The following DGKH variants were observed in gnomAD, a reference collection of about 807,000 sequenced individuals.
DGKH encodes the protein diacylglycerol kinase eta, also known as DAG kinase eta.
A neutral mutation model predicts 159.3 loss-of-function variants in DGKH; 90 were observed. The ratio of observed to expected loss-of-function variants is 0.57; its 90% CI spans 0.48 to 0.67. The LOEUF (loss-of-function observed/expected upper bound fraction) is 0.67. Among genes scored for constraint, DGKH ranks in the 30% least tolerant of loss-of-function variants. The pLI is 0.00. For synonymous variants in DGKH, 536 were observed against 553.8 expected (o/e 0.97, Z 0.45); for missense variants, 1,181 against 1,506.1 (o/e 0.78, Z 3.57).
rs147346543 is a variant in DGKH, at chr13:42,191,446, C to T, written c.2035+921C>T. ...AATCATACCCCAAACCTCCGCATCA[C>T]TCAATATACTCAGATAATAAACCTG... On this transcript the variant is annotated intron_variant, in intron 16 of 29. Coordinates refer to ENST00000337343, the MANE Select transcript of DGKH (RefSeq NM_178009.5). Among the ~76,000 whole-genome samples the T allele has an allele frequency of 4.7e-4, 72 of 152,194 alleles. No homozygotes were observed. In the East Asian group the frequency reaches 0.014, roughly 29 times the overall value.
At chr13:42,064,010 G>T (rs1489895401) in intron 1 of DGKH, among the ~76,000 whole-genome samples, 1 of 151,748 alleles carries the variant, frequency 6.6e-6, no homozygotes, top group African/African-American at 2.4e-5. Flanking sequence ...AAGATTAAAT[G>T]ATGCAAAAAA....
At chr13:42,254,825 C>T (rs964680861) in intron 30 of DGKH, among the ~76,000 whole-genome samples, 10 of 152,068 alleles carry the variant, frequency 6.6e-5, no homozygotes, top group Admixed American at 2.6e-4. Context: ...TGAAATGTTT[C>T]GTGATGATTT....
intron 12 of DGKH, among the ~76,000 whole-genome samples, chr13:42,176,129 T>C (rs1956596837): frequency 6.6e-6 from 1 of 152,220 alleles, no homozygotes; most frequent in East Asian, 1.9e-4. Context: ...TGAGAGAAAT[T>C]GTATTTTTTG....
intron 1 of DGKH, among the ~76,000 whole-genome samples, chr13:42,102,508 TG>T (rs1333602054): frequency 6.6e-6 from 1 of 152,230 alleles, no homozygotes; most frequent in Non-Finnish European, 1.5e-5. Context: ...AGTGACCACC[TG>T]CTTGGACCCT....
intron 26 of DGKH, among the ~76,000 whole-genome samples, chr13:42,217,597 A>G (rs1463013717): frequency 1.4e-5 from 2 of 141,496 alleles, no homozygotes; most frequent in Non-Finnish European, 3.2e-5. Flanking sequence ...GTGAATAACA[A>G]GGGGAAACAA....
intron 1 of DGKH, among the ~76,000 whole-genome samples, chr13:42,104,835 A>G (rs1170188): frequency 0.81 from 123,450 of 152,132 alleles, 50,665 homozygotes; most frequent in African/African-American, 0.91. Context: ...CCTCATCATT[A>G]TTTGGCTGAA....
chr13:42,055,638 G>A (rs140237675), intron 1 of DGKH, among the ~76,000 whole-genome samples: 2 of 152,210 alleles, frequency 1.3e-5, no homozygotes, highest in African/African-American at 2.4e-5. Flanking sequence ...CTGTTTCCAG[G>A]GTACAGTGTT....
intron 5 of DGKH, among the ~76,000 whole-genome samples, chr13:42,157,829 C>T (rs775066004): frequency 8.5e-5 from 13 of 152,190 alleles, no homozygotes; most frequent in Non-Finnish European, 1.2e-4. Context: ...GATCTTGGCT[C>T]ATTGCAACCT....
At chr13:42,170,342 G>A (rs1956418064) in intron 11 of DGKH, among the ~76,000 whole-genome samples, 1 of 152,168 alleles carries the variant, frequency 6.6e-6, no homozygotes, top group Non-Finnish European at 1.5e-5. Flanking sequence ...GAGCCCAGGA[G>A]GTGGAGGTGG....
intron 20 of DGKH, among the ~76,000 whole-genome samples, chr13:42,203,697 G>T (rs1050357657): frequency 6.6e-6 from 1 of 152,158 alleles, no homozygotes; most frequent in Non-Finnish European, 1.5e-5. Context: ...GCCAGCTCTG[G>T]TGGTGTGCAC....
At chr13:42,210,059 G>T (rs571555050) in intron 23 of DGKH, among the ~76,000 whole-genome samples, 1 of 138,238 alleles carries the variant, frequency 7.2e-6, no homozygotes, top group Non-Finnish European at 1.6e-5. Context: ...TTTAATTAAG[G>T]TCTGTCTTTA....
intron 1 of DGKH, among the ~76,000 whole-genome samples, chr13:42,049,232 A>ACGGATTCC (rs1350593510): frequency 6.6e-6 from 1 of 150,508 alleles, no homozygotes; most frequent in African/African-American, 2.5e-5. Flanking sequence ...GTGCTGCGGG[A>ACGGATTCC]CGGATTCCCG....
chr13:42,072,099 G>C (rs974864760), intron 1 of DGKH, among the ~76,000 whole-genome samples: 5 of 152,156 alleles, frequency 3.3e-5, no homozygotes, highest in African/African-American at 1.2e-4. Flanking sequence ...GTTTGAATTA[G>C]AAGAAAAAAC....
chr13:42,115,995 T>G (rs1419913025), intron 1 of DGKH, among the ~76,000 whole-genome samples: 2 of 152,182 alleles, frequency 1.3e-5, no homozygotes, highest in East Asian at 3.9e-4. Context: ...TAAATAATGC[T>G]TAGGATGAGG....
At chr13:42,053,736 A>G (rs922792573) in intron 1 of DGKH, among the ~76,000 whole-genome samples, 12 of 151,712 alleles carry the variant, frequency 7.9e-5, no homozygotes, top group Non-Finnish European at 1.0e-4. Flanking sequence ...CTCCTGTCTC[A>G]GCCTCCTGAG....
chr13:42,043,195 ATG>A (rs1005011231), intron 1 of DGKH, among the ~76,000 whole-genome samples: 93 of 151,966 alleles, frequency 6.1e-4, no homozygotes, highest in Non-Finnish European at 1.2e-4. Context: ...ATATGTATTG[ATG>A]TGTGTGTGTA....
In DGKH at chr13:42,239,278, A is replaced by G. The variant is rs1310575968; in HGVS notation, c.*10090A>G. 6.6e-6 allele frequency: 1 copy of G among 152,440 alleles called. No individual in the cohort carries two copies. Among genetic ancestry groups the G allele is most frequent in the South Asian group, 2.1e-4 (1 of 4,834 alleles). The allele number at this position is 152,440 out of a possible 1,614,324, so 9.4% of individuals were successfully genotyped here. A position where few individuals can be genotyped will look rare whatever the true frequency, so the allele number is the denominator to read the frequency against. ...GGATGAGAGAATTGCAAACTTGAACAGTTCTTTTGTTTTCTCTCCTTTTAC... is the reference window on the plus strand; with the variant it reads ...GGATGAGAGAATTGCAAACTTGAACGGTTCTTTTGTTTTCTCTCCTTTTAC... On this transcript the variant is annotated 3_prime_UTR_variant, in exon 30 of 30. Transcript: ENST00000337343.
At chr13:42,144,343 C>T (rs189464929) in intron 3 of DGKH, among the ~76,000 whole-genome samples, 20 of 152,272 alleles carry the variant, frequency 1.3e-4, no homozygotes, top group Admixed American at 1.2e-3. Flanking sequence ...AGTCCTGAAT[C>T]ACCCTAAGAG....
chr13:42,097,137 G>T (rs1012229701), intron 1 of DGKH, among the ~76,000 whole-genome samples: 1 of 152,180 alleles, frequency 6.6e-6, no homozygotes, highest in Non-Finnish European at 1.5e-5. Context: ...TGAAATTCGT[G>T]TGGGTTTATT....
Sources: allele counts gnomAD v4.1 joint callset (sites outside exome capture counted in the v4.1 genomes callset), GRCh38; gene constraint gnomAD v4.1.1; transcripts MANE v1.5; gene names NCBI Gene and HGNC (gene_info 2026-07-23, HGNC 2026-07-21).